Variants in MRPS14 observed in about 807,000 individuals in gnomAD.
MRPS14 encodes the protein small ribosomal subunit protein uS14m.
Under a neutral mutation model 16.4 loss-of-function variants are expected in MRPS14, and 14 were observed. That is an observed-to-expected ratio of 0.85 (90% confidence interval 0.56 to 1.33). MRPS14 has a LOEUF of 1.33. Among genes scored for constraint, MRPS14 ranks in the 40% most tolerant of loss-of-function variants. The pLI is 0.00. For synonymous variants in MRPS14, 54 were observed against 61.9 expected (o/e 0.87, Z 0.60); for missense variants, 162 against 176.8 (o/e 0.92, Z 0.48).
chr1:175,023,240 G>A, intron 1 of MRPS14, 124 bp downstream of exon 1: 1 of 1,552,290 alleles, frequency 6.4e-7, no homozygotes, highest in Non-Finnish European at 8.7e-7. Flanking sequence ...CGCGGAAGAG[G>A]GCGGAAGGAG....
Position 175,021,999 on chromosome 1 carries a change from A to G in MRPS14, c.45+1365T>C, listed in dbSNP as rs78567330. On this transcript the variant is annotated intron_variant, in intron 1 of 2. Coordinates refer to ENST00000476371, the MANE Select transcript of MRPS14 (RefSeq NM_022100.3). ...CACTAACCACATAGGGGTATTAAAC[A>G]TTTGTAATATAACTAGTGCAACTGG... Among the ~76,000 whole-genome samples the G allele has an allele frequency of 8.3e-3, 1,264 of 152,324 alleles. 24 individuals are homozygous for G. Among genetic ancestry groups the G allele is most frequent in the African/African-American group, 0.029 (1,214 of 41,558 alleles).
At position 175,014,223 on chromosome 1, in the gene MRPS14, A is replaced by G. The variant is rs1013789364; in HGVS notation, c.*446T>C. On this transcript the variant is annotated 3_prime_UTR_variant, in exon 3 of 3. Coordinates refer to ENST00000476371, the MANE Select transcript of MRPS14 (RefSeq NM_022100.3). ...TGCTATCCAATCTGTTTATCTAACA[A>G]TAATAGTTAAGGGGAGCTCTGCAGG... 2.7e-4 allele frequency: 58 copies of G among 218,240 alleles called. No individual in the cohort carries two copies. The highest frequency in any genetic ancestry group is 1.2e-3 in the African/African-American group (51 of 44,046). 13.5% of individuals were successfully genotyped at this position (218,240 alleles called of 1,614,324 possible).
At position 175,014,933 on chromosome 1, in the gene MRPS14, C is replaced by CTTTT. The variant is rs368085151; in HGVS notation, c.205-86_205-83dup. 7.7e-5 allele frequency: 59 copies of CTTTT among 768,586 alleles called. 2 individuals carry two copies. The highest frequency in any genetic ancestry group is 1.2e-4 in the Admixed American group (3 of 25,612). 47.6% of individuals were successfully genotyped at this position (768,586 alleles called of 1,614,324 possible). On this transcript the variant is annotated intron_variant, in intron 2 of 2. Transcript: ENST00000476371. ...CTCCTTCTCACTTGCAGGTAATTTT[C>CTTTT]TTTTCTTTTTTTTTTTTTTTTGAGA... is the stretch of plus-strand genomic sequence containing the variant.
chr1:175,015,860 A>G (rs1184511384), intron 2 of MRPS14, among the ~76,000 whole-genome samples: 2 of 152,244 alleles, frequency 1.3e-5, no homozygotes, highest in African/African-American at 4.8e-5. Context: ...AAATTAACAA[A>G]AGCTTATGCA....
At chr1:175,022,901 C>A (rs1301483414) in intron 1 of MRPS14, among the ~76,000 whole-genome samples, 1 of 152,172 alleles carries the variant, frequency 6.6e-6, no homozygotes, top group African/African-American at 2.4e-5. Flanking sequence ...CTCTTCAATT[C>A]TCAGCACTTC....
At chr1:175,022,140 C>A (rs1320273772) in intron 1 of MRPS14, among the ~76,000 whole-genome samples, 2 of 149,352 alleles carry the variant, frequency 1.3e-5, no homozygotes, top group African/African-American at 5.0e-5. Context: ...AATTTAGCAC[C>A]CAAACTGAGA....
chr1:175,019,680 C>T (rs1274402795), intron 1 of MRPS14, among the ~76,000 whole-genome samples: 1 of 152,160 alleles, frequency 6.6e-6, no homozygotes, highest in Non-Finnish European at 1.5e-5. Flanking sequence ...CACTAGTTGT[C>T]CAGTAATAAG....
rs76360702 is a variant in MRPS14 at position 175,019,284 on chromosome 1, T to C, written c.46-708A>G. Among the ~76,000 whole-genome samples the C allele has an allele frequency of 5.7e-3, 865 of 152,218 alleles. 8 individuals carry two copies. Among genetic ancestry groups the C allele is most frequent in the African/African-American group, 0.02 (827 of 41,534 alleles). On this transcript the variant is annotated intron_variant, in intron 1 of 2. Coordinates refer to ENST00000476371, the MANE Select transcript of MRPS14 (RefSeq NM_022100.3). Reference sequence around the variant, plus strand: ...TATCTTGAAGATATATTATTATTTATTTATTTTACTTTTTTGAGATGGAAT... The same window carrying C: ...TATCTTGAAGATATATTATTATTTACTTATTTTACTTTTTTGAGATGGAAT...
At chr1:175,015,715 G>A (rs2149414309) in intron 2 of MRPS14, among the ~76,000 whole-genome samples, 1 of 152,334 alleles carries the variant, frequency 6.6e-6, no homozygotes, top group East Asian at 1.9e-4. Flanking sequence ...ATGTGTTCAA[G>A]AGTGTGAGTG....
rs764957348 is a variant in MRPS14 at position 175,014,865 on chromosome 1, CATT to C, written c.205-17_205-15del. 10 of 1,611,730 alleles carry C rather than the reference CATT, an allele frequency of 6.2e-6. No individual in the cohort carries two copies. The highest frequency in any genetic ancestry group is 1.3e-5 in the African/African-American group (1 of 74,844). On this transcript the variant is annotated splice_polypyrimidine_tract_variant and intron_variant, in intron 2 of 2. Transcript: ENST00000476371. ...ATCAGCCACATCCTAAGGGAAATCA[CATT>C]ATTACACAGATCACATTACATTGTT... is the stretch of plus-strand genomic sequence containing the variant.
chr1:175,014,938 C>CTTTTTTTT, intron 2 of MRPS14, 87 bp from the exon 3 acceptor site: 1 of 625,600 alleles, frequency 1.6e-6, no homozygotes, highest in Non-Finnish European at 2.2e-6. Context: ...ATTTTCTTTT[C>CTTTTTTTT]TTTTTTTTTT....
intron 1 of MRPS14, among the ~76,000 whole-genome samples, chr1:175,021,342 A>G (rs1297202277): frequency 6.6e-6 from 1 of 152,218 alleles, no homozygotes; most frequent in Non-Finnish European, 1.5e-5. Flanking sequence ...TTCAATATAC[A>G]TGAAATTACA....
chr1:175,017,197 G>A (rs1284837287), intron 2 of MRPS14, among the ~76,000 whole-genome samples: 1 of 152,274 alleles, frequency 6.6e-6, no homozygotes, highest in African/African-American at 2.4e-5. Context: ...TGGGATTACA[G>A]GGTGTGCCAC....
intron 1 of MRPS14, 108 bp downstream of exon 1, chr1:175,023,256 C>A (rs769445531): frequency 1.3e-6 from 2 of 1,560,830 alleles, no homozygotes; most frequent in South Asian, 1.2e-5. Flanking sequence ...AGGAGAACCC[C>A]TGGACTGGTC....
rs969603286 is a variant in MRPS14, at chr1:175,013,499, T to C, written c.*1170A>G. Reference sequence around the variant, plus strand: ...AACTTTAAAAATCTGTCCTCTCTCCTCTACTAATACCACAATGTTAGTTCA... The same window carrying C: ...AACTTTAAAAATCTGTCCTCTCTCCCCTACTAATACCACAATGTTAGTTCA... On this transcript the variant is annotated 3_prime_UTR_variant, in exon 3 of 3. Coordinates refer to ENST00000476371, the MANE Select transcript of MRPS14 (RefSeq NM_022100.3). 8.5e-5 allele frequency: 13 copies of C among 152,228 alleles called. No homozygotes were observed. The highest frequency in any genetic ancestry group is 2.7e-4 in the African/African-American group (11 of 41,444). The allele number at this position is 152,228 out of a possible 1,614,324, so 9.4% of individuals were successfully genotyped here. A position where few individuals can be genotyped will look rare whatever the true frequency, so the allele number is the denominator to read the frequency against.
intron 1 of MRPS14, 58 bp downstream of exon 1, chr1:175,023,306 G>C: frequency 6.3e-7 from 1 of 1,598,852 alleles, no homozygotes; most frequent in Non-Finnish European, 8.5e-7. Flanking sequence ...TGGGGGACCC[G>C]TGGGTTATGA....
chr1:175,018,925 G>T (rs1672930298), intron 1 of MRPS14, among the ~76,000 whole-genome samples: 1 of 152,108 alleles, frequency 6.6e-6, no homozygotes, highest in Non-Finnish European at 1.5e-5. Flanking sequence ...ACAGTGAAAA[G>T]TCTCCCCCCA....
At chr1:175,015,913 G>A (rs1164382305) in intron 2 of MRPS14, among the ~76,000 whole-genome samples, 2 of 152,152 alleles carry the variant, frequency 1.3e-5, no homozygotes, top group African/African-American at 4.8e-5. Context: ...AAAACAACAT[G>A]ATTGCCAGGC....
chr1:175,023,377 C>T lies in MRPS14; in HGVS notation c.32G>A (p.Arg11Gln). MAAFMLGSLL[R>Q]TFKQMVPSSA... ...TAGAGGCCTGACCTGCTTGAACGTCCGCAGCAGCGAGCCCAGCATGAAGGC... is the reference window on the plus strand; with the variant it reads ...TAGAGGCCTGACCTGCTTGAACGTCTGCAGCAGCGAGCCCAGCATGAAGGC... Residue 11 changes from arginine (R) to glutamine (Q), a missense_variant, in exon 1 of 3, where the codon CGG (arginine) becomes CAG (glutamine). Coordinates refer to ENST00000476371, the MANE Select transcript of MRPS14 (RefSeq NM_022100.3). The T allele has an allele frequency of 6.2e-7, 1 of 1,614,146 alleles. No homozygotes were observed. The highest frequency in any genetic ancestry group is 8.5e-7 in the Non-Finnish European group (1 of 1,180,034).
Sources: gnomAD v4.1 joint callset for allele counts (sites outside exome capture counted in the v4.1 genomes callset) on GRCh38, gnomAD v4.1.1 for gene constraint, MANE v1.5 for transcripts, NCBI Gene and HGNC (gene_info 2026-07-23, HGNC 2026-07-21) for gene names.